Variants in KATNAL1 observed in about 807,000 individuals in gnomAD.
KATNAL1 encodes katanin catalytic subunit A1 like 1, also known as katanin p60 ATPase-containing subunit A-like 1.
A neutral mutation model predicts 55.2 loss-of-function variants in KATNAL1; 32 were observed. The ratio of observed to expected loss-of-function variants is 0.58; its 90% confidence interval spans 0.44 to 0.78. KATNAL1 has a LOEUF of 0.78. Among genes scored for constraint, KATNAL1 ranks in the 30% least tolerant of loss-of-function variants. The pLI, the probability that KATNAL1 is intolerant of heterozygous loss-of-function variation, is 0.00. For synonymous variants in KATNAL1, 193 were observed against 193.6 expected (o/e 1.00, Z 0.02); for missense variants, 466 against 600.9 (o/e 0.78, Z 2.35).
At position 30,252,763 on chromosome 13, in the gene KATNAL1, G is replaced by C. The variant is rs558141659; in HGVS notation, c.492+2684C>G. Among the ~76,000 whole-genome samples the C allele has an allele frequency of 9.5e-5, 14 of 147,586 alleles. 1 individual carries two copies. In the South Asian group the frequency reaches 3.0e-3, roughly 31 times the overall value. On this transcript the variant is annotated intron_variant, in intron 4 of 10. Coordinates refer to ENST00000380615, the MANE Select transcript of KATNAL1 (RefSeq NM_032116.5). The stretch of plus-strand genomic sequence containing the variant: ...TTTCCTTTCTTTTTTTTTTTTTTGA[G>C]ACCAAGTCTCGCTCTGTTGCCCAAG...
At chr13:30,288,584 A>G (rs1439100504) in intron 1 of KATNAL1, among the ~76,000 whole-genome samples, 2 of 152,228 alleles carry the variant, frequency 1.3e-5, no homozygotes, top group East Asian at 1.9e-4. Context: ...TAGTTTTGAT[A>G]TAACAACTGT....
intron 9 of KATNAL1, among the ~76,000 whole-genome samples, chr13:30,216,770 A>G (rs1390909983): frequency 6.6e-6 from 1 of 152,244 alleles, no homozygotes; most frequent in Non-Finnish European, 1.5e-5. Flanking sequence ...CCAGGTAAGA[A>G]CTGATGTTAA....
In KATNAL1 at chr13:30,231,413, G is replaced by A; in HGVS notation, c.786C>T (p.Ala262=). Residue 262 remains alanine, a synonymous_variant, in exon 7 of 11, where the codon GCC becomes GCT. Coordinates refer to ENST00000380615, the MANE Select transcript of KATNAL1 (RefSeq NM_032116.5). ...TGAAGAATGTTGTACCACATTCAGT[G>A]GCAACAGCTTTAGCTAGCATAGTTT... ...TGKTMLAKAV[A]TECGTTFFNV... is the part of the protein sequence containing the mutation. The A allele has an allele frequency of 1.2e-6, 2 of 1,606,648 alleles. No individual in the cohort carries two copies. The highest frequency in any genetic ancestry group is 1.7e-6 in the Non-Finnish European group (2 of 1,176,374).
chr13:30,240,833 TA>T, intron 5 of KATNAL1, 125 bp downstream of exon 5: 4 of 910,650 alleles, frequency 4.4e-6, no homozygotes, highest in Non-Finnish European at 6.6e-6. Context: ...TCGTCAATTC[TA>T]TACTTTCATA....
At chr13:30,232,879 G>T (rs986842549) in intron 6 of KATNAL1, among the ~76,000 whole-genome samples, 5 of 152,014 alleles carry the variant, frequency 3.3e-5, no homozygotes, top group African/African-American at 9.7e-5. Flanking sequence ...AATGTTGCTG[G>T]AAAAACTGGA....
intron 1 of KATNAL1, among the ~76,000 whole-genome samples, chr13:30,305,456 T>C (rs1021192350): frequency 1.3e-5 from 2 of 152,246 alleles, no homozygotes; most frequent in African/African-American, 4.8e-5. Flanking sequence ...CTGACTTCCT[T>C]AGACAGAGTC....
intron 6 of KATNAL1, among the ~76,000 whole-genome samples, chr13:30,240,103 A>G (rs921847520): frequency 2.7e-5 from 4 of 150,916 alleles, no homozygotes; most frequent in Admixed American, 6.6e-5. Flanking sequence ...CAACTTTTGA[A>G]AACTGTTTGA....
intron 1 of KATNAL1, among the ~76,000 whole-genome samples, chr13:30,300,550 G>A (rs907470280): frequency 4.0e-5 from 6 of 151,178 alleles, no homozygotes; most frequent in African/African-American, 9.7e-5. Context: ...CCAAATCACC[G>A]AAGTCCAGTT....
chr13:30,273,201 C>T (rs983283953), intron 3 of KATNAL1, among the ~76,000 whole-genome samples: 8 of 152,238 alleles, frequency 5.3e-5, no homozygotes, highest in African/African-American at 1.7e-4. Flanking sequence ...TACTTGTCTT[C>T]CCCAGCTAGC....
Position 30,208,336 on chromosome 13 carries a change from C to G in KATNAL1, c.*204G>C. 1 of 506,150 alleles carries G rather than the reference C, an allele frequency of 2.0e-6. No homozygotes were observed. The highest frequency in any genetic ancestry group is 3.0e-5 in the South Asian group (1 of 33,576). The allele number at this position is 506,150 out of a possible 1,614,324, so 31.4% of individuals were successfully genotyped here. ...TGCAGGAATACGTGGAATACCAGCA[C>G]AAAGCCGGGGAGGGAGACTAGCAAA... On this transcript the variant is annotated 3_prime_UTR_variant, in exon 11 of 11. Coordinates refer to ENST00000380615, the MANE Select transcript of KATNAL1 (RefSeq NM_032116.5).
In KATNAL1 at chr13:30,277,993, A is replaced by C. The variant is rs1364934013; in HGVS notation, c.323+2070T>G. On this transcript the variant is annotated intron_variant, in intron 3 of 10. Coordinates refer to ENST00000380615, the MANE Select transcript of KATNAL1 (RefSeq NM_032116.5). ...GCGAGACTCCGTCTCAAAAAAAAAA[A>C]AAAAAAAAAAAAAAAAAAGATTTAA... 2.9e-4 allele frequency among the ~76,000 whole-genome samples: 30 copies of C among 103,106 alleles called. No homozygotes were observed. The East Asian group carries it at 0.011, about 37-fold the overall frequency. 67.6% of individuals were successfully genotyped at this position (103,106 alleles called of 152,430 possible). A position where few individuals can be genotyped will look rare whatever the true frequency, so the allele number is the denominator to read the frequency against.
Position 30,214,845 on chromosome 13 carries a change from T to C in KATNAL1, c.1148-4403A>G, listed in dbSNP as rs981901386. On this transcript the variant is annotated intron_variant, in intron 9 of 10. Transcript: ENST00000380615. ...CTAGAAGAAAACCTAGGCATTACCA[T>C]TCAGGACATAGGCATGGGCAAGGAC... is the stretch of plus-strand genomic sequence containing the variant. Among the ~76,000 whole-genome samples the C allele has an allele frequency of 2.6e-4, 40 of 151,432 alleles. No homozygotes were observed. The South Asian group carries it at 6.7e-3, about 25-fold the overall frequency.
At chr13:30,240,308 C>T (rs1877134882) in intron 6 of KATNAL1, 152 bp downstream of exon 6, 1 of 590,748 alleles carries the variant, frequency 1.7e-6, no homozygotes, top group South Asian at 2.2e-5. Flanking sequence ...CACATCACAA[C>T]TACAAATTCA....
intron 4 of KATNAL1, among the ~76,000 whole-genome samples, chr13:30,252,611 G>A (rs567054015): frequency 1.3e-5 from 2 of 152,150 alleles, no homozygotes; most frequent in South Asian, 2.1e-4. Context: ...AATAAACTGA[G>A]TTTTCTGTTC....
rs1877450843 is a variant in KATNAL1, at chr13:30,243,251, C to G, written c.493-2165G>C. Among the ~76,000 whole-genome samples the G allele has an allele frequency of 3.3e-5, 5 of 152,264 alleles. No individual in the cohort carries two copies. In the South Asian group the frequency reaches 1.0e-3, roughly 32 times the overall value. On this transcript the variant is annotated intron_variant, in intron 4 of 10. Coordinates refer to ENST00000380615, the MANE Select transcript of KATNAL1 (RefSeq NM_032116.5). Reference sequence around the variant, plus strand: ...CCCATATCAAGAAAGCTTTGTTACTCATCTTTCATTAGTGTTGGATAATCT... The same window carrying G: ...CCCATATCAAGAAAGCTTTGTTACTGATCTTTCATTAGTGTTGGATAATCT...
In KATNAL1 at chr13:30,231,307, C is replaced by A; in HGVS notation, c.885+7G>T. The A allele has an allele frequency of 1.2e-6, 2 of 1,601,972 alleles. No individual in the cohort carries two copies. Among genetic ancestry groups the A allele is most frequent in the Non-Finnish European group, 1.7e-6 (2 of 1,173,980 alleles). ...CTACTTTGAAATCTGAATATATCGT[C>A]ACTCACCATCTCAAACAACAGACGA... On this transcript the variant is annotated splice_region_variant and intron_variant, in intron 7 of 10. Transcript: ENST00000380615.
At chr13:30,238,017 A>C (rs1876861934) in intron 6 of KATNAL1, among the ~76,000 whole-genome samples, 1 of 152,172 alleles carries the variant, frequency 6.6e-6, no homozygotes, top group African/African-American at 2.4e-5. Flanking sequence ...TTTTAAGCCT[A>C]AACTACTGCC....
At chr13:30,215,081 AAAAC>A (rs761978982) in intron 9 of KATNAL1, among the ~76,000 whole-genome samples, 6 of 151,558 alleles carry the variant, frequency 4.0e-5, no homozygotes, top group South Asian at 4.2e-4. Context: ...TTACAAGAAA[AAAAC>A]AAACAACCCC....
chr13:30,294,868 T>C (rs956157687), intron 1 of KATNAL1, among the ~76,000 whole-genome samples: 3 of 152,224 alleles, frequency 2.0e-5, no homozygotes, highest in African/African-American at 7.2e-5. Flanking sequence ...TTAAGAGTTA[T>C]GCTGAAGCTA....
Sources: allele counts gnomAD v4.1 joint callset (sites outside exome capture counted in the v4.1 genomes callset), GRCh38; gene constraint gnomAD v4.1.1; transcripts MANE v1.5; gene names NCBI Gene and HGNC (gene_info 2026-07-23, HGNC 2026-07-21).